The following DOCK1 variants were observed in gnomAD, a reference collection of about 807,000 sequenced individuals.
DOCK1 encodes dedicator of cytokinesis 1.
In DOCK1, 138 loss-of-function variants were observed where a neutral mutation model predicts 262.7. The observed-to-expected ratio is 0.53, with a 90% CI of 0.46 to 0.61. The LOEUF (loss-of-function observed/expected upper bound fraction) is 0.61. DOCK1 is among the 20% of genes least tolerant of loss of function. The pLI is 0.00. For missense variants in DOCK1, 1,908 were observed against 2,370.7 expected, an observed-to-expected ratio of 0.80 and a Z score of 4.05; for synonymous variants, 866 against 867.4, an observed-to-expected ratio of 1.00 and a Z score of 0.03.
rs754796831 is a variant in DOCK1, at chr10:127,339,625, T to TTGTGTG, written c.3123+560_3123+565dup. Among the ~76,000 whole-genome samples the TTGTGTG allele has an allele frequency of 1.1e-3, 150 of 139,520 alleles. 1 individual carries two copies. The highest frequency in any genetic ancestry group is 3.4e-3 in the African/African-American group (131 of 38,408). 91.5% of individuals were successfully genotyped at this position (139,520 alleles called of 152,430 possible). A position where few individuals can be genotyped will look rare whatever the true frequency, so the allele number is the denominator to read the frequency against. ...TGAGAGAGAGAGAGAGTGTGTGTGT[T>TTGTGTG]TGTGTGTGTGTGTGTGTGTGTGTGC... On this transcript the variant is annotated intron_variant, in intron 30 of 51. Transcript: ENST00000623213.
At chr10:127,292,257 C>T (rs2061369777) in intron 29 of DOCK1, among the ~76,000 whole-genome samples, 1 of 152,128 alleles carries the variant, frequency 6.6e-6, no homozygotes, top group South Asian at 2.1e-4. Context: ...TCTGAAAATG[C>T]CCATCCAGAC....
chr10:126,998,214 G>A lies in DOCK1; in HGVS notation c.732G>A (p.Met244Ile). Residue 244 changes from methionine to isoleucine, a missense_variant, in exon 8 of 52, where the codon ATG becomes ATA. By Grantham distance (10) the Met-to-Ile change is conservative (BLOSUM62 1). This residue lies in a region of DOCK1 where 102 missense variants were observed against 154.9 expected (regional missense o/e 0.66). Coordinates refer to ENST00000623213, the MANE Select transcript of DOCK1 (RefSeq NM_001290223.2). ...TAGGAGAAGATGCTGAAGTCCTCAT[G>A]TCTCTATATGACCCTGTGGAGTCCA... ...CKIGEDAEVL[M>I]SLYDPVESKF... The A allele has an allele frequency of 6.2e-7, 1 of 1,614,014 alleles. No homozygotes were observed. Among genetic ancestry groups the A allele is most frequent in the Non-Finnish European group, 8.5e-7 (1 of 1,179,890 alleles).
intron 27 of DOCK1, among the ~76,000 whole-genome samples, chr10:127,129,398 A>G (rs543531439): frequency 6.6e-6 from 1 of 152,326 alleles, no homozygotes; most frequent in South Asian, 2.1e-4. Flanking sequence ...TTTCCATGTA[A>G]ATTGGCTTTA....
Position 127,032,230 on chromosome 10 carries a change from A to G in DOCK1, c.1822A>G (p.Lys608Glu). The G allele has an allele frequency of 6.2e-7, 1 of 1,601,662 alleles. No individual in the cohort carries two copies. The highest frequency in any genetic ancestry group is 2.3e-5 in the East Asian group (1 of 44,386). Reference protein sequence around the residue: ...LEEKGHSATGKSMQSLGSCTI... With the variant: ...LEEKGHSATGESMQSLGSCTI... Reference sequence around the variant, plus strand: ...AGAAAAGGGCCACTCGGCCACCGGCAAGAGCATGCAGAGCCTTGGGAGCTG... The same window carrying G: ...AGAAAAGGGCCACTCGGCCACCGGCGAGAGCATGCAGAGCCTTGGGAGCTG... The change falls in exon 18 of 52, where the codon AAG (lysine) becomes GAG (glutamate). Residue 608 changes from lysine to glutamate, a missense_variant. Around this residue, in one of 9 missense-constraint regions of DOCK1, gnomAD observed 294 missense variants for 439.9 expected, o/e 0.67. Transcript: ENST00000623213.
chr10:127,080,917 C>G (rs896315477), intron 23 of DOCK1, among the ~76,000 whole-genome samples: 2 of 152,090 alleles, frequency 1.3e-5, no homozygotes, highest in Non-Finnish European at 2.9e-5. Flanking sequence ...TTTTCTTAAC[C>G]TCCTCAGAGC....
intron 4 of DOCK1, 58 bp downstream of exon 4, chr10:126,982,031 G>A: frequency 6.4e-7 from 1 of 1,571,228 alleles, no homozygotes; most frequent in Non-Finnish European, 8.7e-7. Context: ...TGGCCTTGCT[G>A]CTCTTTTGTA....
chr10:127,191,822 A>C (rs1260637971), intron 27 of DOCK1, among the ~76,000 whole-genome samples: 1 of 152,180 alleles, frequency 6.6e-6, no homozygotes, highest in Non-Finnish European at 1.5e-5. Flanking sequence ...GTGCCTGTCC[A>C]TGGAACCCCT....
intron 10 of DOCK1, among the ~76,000 whole-genome samples, chr10:127,004,769 G>A (rs946525669): frequency 7.0e-5 from 1 of 14,274 alleles, no homozygotes; most frequent in Non-Finnish European, 1.4e-4. Flanking sequence ...CCCCTGCCCC[G>A]CCACCCCCCC....
chr10:127,036,699 C>T (rs1370150250), intron 18 of DOCK1, among the ~76,000 whole-genome samples: 1 of 151,984 alleles, frequency 6.6e-6, no homozygotes, highest in African/African-American at 2.4e-5. Context: ...TTGGGCCAGG[C>T]ATGGTGGCTC....
intron 1 of DOCK1, among the ~76,000 whole-genome samples, chr10:126,956,962 G>C (rs903374835): frequency 6.6e-6 from 1 of 152,124 alleles, no homozygotes; most frequent in Non-Finnish European, 1.5e-5. Context: ...ACAGGGAGGA[G>C]GCAAAGTGCT....
intron 38 of DOCK1, among the ~76,000 whole-genome samples, chr10:127,398,978 T>G (rs1481268098): frequency 6.6e-6 from 1 of 152,190 alleles, no homozygotes; most frequent in East Asian, 1.9e-4. Context: ...AAGAAAATTT[T>G]TATTCAAGTT....
intron 30 of DOCK1, among the ~76,000 whole-genome samples, chr10:127,342,321 C>T (rs1383626197): frequency 4.6e-5 from 7 of 152,066 alleles, no homozygotes; most frequent in Non-Finnish European, 1.0e-4. Context: ...TATTGACTGG[C>T]ACTCCCCTTT....
chr10:127,114,933 T>A (rs1014097203), intron 25 of DOCK1, among the ~76,000 whole-genome samples: 1 of 152,210 alleles, frequency 6.6e-6, no homozygotes, highest in Non-Finnish European at 1.5e-5. Flanking sequence ...ATTTTTGTAT[T>A]TTCAGTAGAG....
chr10:126,932,693 C>T (rs1407514655), intron 1 of DOCK1, among the ~76,000 whole-genome samples: 2 of 152,070 alleles, frequency 1.3e-5, no homozygotes, highest in Non-Finnish European at 2.9e-5. Flanking sequence ...AGGGGTGGAC[C>T]GTCGCTGAAG....
chr10:127,339,629 G>T (rs2063338529), intron 30 of DOCK1, among the ~76,000 whole-genome samples: 1 of 146,018 alleles, frequency 6.8e-6, no homozygotes, highest in Admixed American at 7.0e-5. Context: ...GTGTGTTTGT[G>T]TGTGTGTGTG....
chr10:127,441,590 G>A (rs987477147), intron 49 of DOCK1, among the ~76,000 whole-genome samples: 5 of 152,142 alleles, frequency 3.3e-5, no homozygotes, highest in African/African-American at 9.7e-5. Flanking sequence ...CCTAGCAGGC[G>A]GCTGCGTGCC....
At position 127,361,969 on chromosome 10, in the gene DOCK1, T is replaced by C. The variant is rs1015012546; in HGVS notation, c.3284-95T>C. ...ATTTTCGGGATCCTGCTGCTCAAAG[T>C]CACAGTGATCTGTGTTGTGTTGTTT... On this transcript the variant is annotated intron_variant, in intron 32 of 51. Transcript: ENST00000623213. The C allele has an allele frequency of 4.5e-6, 6 of 1,334,278 alleles. No homozygotes were observed. In the Admixed American group the frequency reaches 1.8e-4, roughly 40 times the overall value. The allele number at this position is 1,334,278 out of a possible 1,614,324, so 82.7% of individuals were successfully genotyped here.
intron 27 of DOCK1, among the ~76,000 whole-genome samples, chr10:127,229,334 GA>G (rs1473254558): frequency 1.3e-5 from 2 of 152,160 alleles, no homozygotes; most frequent in African/African-American, 4.8e-5. Flanking sequence ...TAGACTTCTT[GA>G]ACTTATTCTG....
chr10:127,313,370 A>G (rs2135512899), intron 29 of DOCK1, among the ~76,000 whole-genome samples: 1 of 152,314 alleles, frequency 6.6e-6, no homozygotes, highest in Admixed American at 6.5e-5. Flanking sequence ...AGAGTGGGTA[A>G]ATGGACAATA....
Sources: allele counts gnomAD v4.1 joint callset (sites outside exome capture counted in the v4.1 genomes callset), GRCh38; gene constraint gnomAD v4.1.1; regional missense constraint gnomAD v4.1.1; transcripts MANE v1.5; gene names NCBI Gene and HGNC (gene_info 2026-07-23, HGNC 2026-07-21).